Variants in COPG2 observed in about 807,000 individuals in gnomAD.
The protein encoded by COPG2 is coat protein complex I subunit gamma 2.
Under a neutral mutation model 46.3 loss-of-function variants are expected in COPG2, and 37 were observed. The observed-to-expected ratio is 0.80, with a 90% CI of 0.61 to 1.05. The LOEUF is 1.05. Among genes scored for constraint, COPG2 ranks in the 50% least tolerant of loss-of-function variants. The probability of loss-of-function intolerance (pLI) is 0.00; values close to 1 mark genes in which losing one functional copy is unlikely to be tolerated. For missense variants in COPG2, 427 were observed against 387.8 expected, an observed-to-expected ratio of 1.10 and a Z score of -0.85; for synonymous variants, 159 against 129.7, an observed-to-expected ratio of 1.23 and a Z score of -1.53.
chr7:130,554,448 A>G (rs924797045), intron 14 of COPG2, 33 bp downstream of exon 14: 20 of 398,388 alleles, frequency 5.0e-5, no homozygotes, highest in Non-Finnish European at 8.4e-5. Context: ...TCAAAAGATC[A>G]GCATCGTCAA....
intron 5 of COPG2, among the ~76,000 whole-genome samples, chr7:130,646,635 C>T (rs1483270811): frequency 2.0e-5 from 3 of 151,992 alleles, no homozygotes; most frequent in Admixed American, 6.6e-5. Flanking sequence ...AATCTCATCT[C>T]GAATTGCAAT....
chr7:130,506,671 A>C lies in COPG2; in HGVS notation c.*5T>G. On this transcript the variant is annotated 3_prime_UTR_variant, in exon 24 of 24. Coordinates refer to ENST00000425248, the MANE Select transcript of COPG2 (RefSeq NM_012133.6). The stretch of plus-strand genomic sequence containing the variant: ...TGCATCAGTTTCCTCTTGTCCAGTA[A>C]GCATTTATCCAACAGAAGCTAAGAT... 1 of 778,878 alleles carries C rather than the reference A, an allele frequency of 1.3e-6. No homozygotes were observed. The highest frequency in any genetic ancestry group is 2.4e-6 in the Non-Finnish European group (1 of 416,906). 48.2% of individuals were successfully genotyped at this position (778,878 alleles called of 1,614,324 possible).
intron 12 of COPG2, among the ~76,000 whole-genome samples, chr7:130,555,879 T>A (rs1053518571): frequency 7.2e-5 from 11 of 152,152 alleles, no homozygotes; most frequent in Non-Finnish European, 2.9e-5. Flanking sequence ...AGTGTCAAGA[T>A]GTGTGAAGAA....
chr7:130,557,683 C>T (rs948229543), intron 12 of COPG2, among the ~76,000 whole-genome samples: 33 of 151,436 alleles, frequency 2.2e-4, no homozygotes, highest in Admixed American at 5.3e-4. Flanking sequence ...TGGCGGGTGG[C>T]GGGTGCCTGT....
At chr7:130,634,636 A>G (rs183695084) in intron 5 of COPG2, among the ~76,000 whole-genome samples, 113 of 152,298 alleles carry the variant, frequency 7.4e-4, no homozygotes, top group African/African-American at 2.6e-3. Context: ...GGGGTTTTCC[A>G]AATATACAAT....
At chr7:130,614,638 G>A (rs1269765625) in intron 6 of COPG2, among the ~76,000 whole-genome samples, 1 of 152,078 alleles carries the variant, frequency 6.6e-6, no homozygotes, top group African/African-American at 2.4e-5. Context: ...ATAAGCTACT[G>A]GCCTATTGCT....
chr7:130,586,714 G>A (rs1198844917), intron 9 of COPG2, among the ~76,000 whole-genome samples: 9 of 151,710 alleles, frequency 5.9e-5, no homozygotes, highest in South Asian at 4.2e-4. Context: ...TGCCCACCTC[G>A]GCCTCCCAAA....
intron 6 of COPG2, among the ~76,000 whole-genome samples, chr7:130,613,881 A>G (rs1053263175): frequency 1.3e-5 from 2 of 152,350 alleles, no homozygotes; most frequent in Admixed American, 6.5e-5. Flanking sequence ...TCAACAATGA[A>G]ATAAACTGTC....
chr7:130,590,749 G>A (rs1454727302), intron 9 of COPG2, among the ~76,000 whole-genome samples: 8 of 150,798 alleles, frequency 5.3e-5, no homozygotes, highest in African/African-American at 7.3e-5. Flanking sequence ...TCTCTGCCTG[G>A]CTGCCCAGTC....
chr7:130,552,277 C>A (rs1338530302), intron 15 of COPG2, 78 bp downstream of exon 15: 18 of 396,218 alleles, frequency 4.5e-5, no homozygotes, highest in Non-Finnish European at 4.5e-6. Context: ...TGCATCCGCC[C>A]TATGGTAGAA....
intron 9 of COPG2, among the ~76,000 whole-genome samples, chr7:130,577,776 A>C (rs1362779814): frequency 5.3e-4 from 80 of 150,844 alleles, no homozygotes; most frequent in African/African-American, 1.8e-3. Flanking sequence ...TCAAAAAAAA[A>C]AAAAAAAAAA....
At chr7:130,571,155 A>T (rs1010333688) in intron 9 of COPG2, among the ~76,000 whole-genome samples, 4 of 152,234 alleles carry the variant, frequency 2.6e-5, no homozygotes, top group Non-Finnish European at 4.4e-5. Context: ...CATGACCAAG[A>T]ACCCAAAAGC....
At position 130,595,541 on chromosome 7, in the gene COPG2, T is replaced by C. The variant is rs549973296; in HGVS notation, c.737+15412A>G. ...TCTCAAAAGTTATAAGCTGGGAAAT[T>C]ATCAAGGAAATATAAAATAGAATTT... On this transcript the variant is annotated intron_variant, in intron 9 of 23. Transcript: ENST00000425248. 1.2e-4 allele frequency among the ~76,000 whole-genome samples: 18 copies of C among 152,266 alleles called. No homozygotes were observed. In the South Asian group the frequency reaches 2.1e-3, roughly 18 times the overall value.
At chr7:130,540,023 T>C (rs1486823222) in intron 20 of COPG2, among the ~76,000 whole-genome samples, 84 of 98,946 alleles carry the variant, frequency 8.5e-4, no homozygotes, top group Non-Finnish European at 1.5e-3. Context: ...ATGGATGCAG[T>C]GGGGAAGGGT....
chr7:130,539,898 G>A (rs1027106263), intron 20 of COPG2, among the ~76,000 whole-genome samples: 9 of 152,152 alleles, frequency 5.9e-5, no homozygotes, highest in South Asian at 2.1e-4. Context: ...TGCAAGGTTC[G>A]GCAGGGGAAG....
chr7:130,549,235 T>C (rs1023841268), intron 18 of COPG2, 79 bp downstream of exon 18: 17 of 398,034 alleles, frequency 4.3e-5, no homozygotes, highest in Non-Finnish European at 6.6e-5. Flanking sequence ...ACCGATCAAT[T>C]TGAGTAAGAC....
intron 9 of COPG2, among the ~76,000 whole-genome samples, chr7:130,607,062 G>A (rs1794747104): frequency 1.3e-5 from 2 of 151,768 alleles, no homozygotes; most frequent in South Asian, 2.1e-4. Flanking sequence ...GCAACACTGC[G>A]GAACCCCATC....
intron 4 of COPG2, among the ~76,000 whole-genome samples, chr7:130,658,375 GC>G (rs1170895728): frequency 1.3e-5 from 2 of 152,114 alleles, no homozygotes; most frequent in Non-Finnish European, 2.9e-5. Flanking sequence ...ATTGCCAGGG[GC>G]TGAGGGAGGC....
At position 130,535,666 on chromosome 7, in the gene COPG2, G is replaced by A. The variant is rs1415517433; in HGVS notation, c.2149+12008C>T. On this transcript the variant is annotated intron_variant, in intron 20 of 23. Transcript: ENST00000425248. ...GGTGGAGGGGATGGGGTTTGGGGTG[G>A]GGTTTGGGTATGGGATGAATGGGTG... Among the ~76,000 whole-genome samples, 4 of 146,386 alleles carry A rather than the reference G, an allele frequency of 2.7e-5. No homozygotes were observed. In the Admixed American group the frequency reaches 2.7e-4, roughly 10 times the overall value.
Sources: allele counts gnomAD v4.1 joint callset (sites outside exome capture counted in the v4.1 genomes callset), GRCh38; gene constraint gnomAD v4.1.1; transcripts MANE v1.5; gene names NCBI Gene and HGNC (gene_info 2026-07-23, HGNC 2026-07-21).